Variants in CFAP44 observed in about 807,000 individuals in gnomAD.
The protein encoded by CFAP44 is cilia and flagella associated protein 44, also known as cilia- and flagella-associated protein 44.
Under a neutral mutation model 216.2 loss-of-function variants are expected in CFAP44, and 134 were observed. That is an observed-to-expected ratio of 0.62 (90% confidence interval 0.54 to 0.72). The LOEUF is 0.72. CFAP44 is among the 30% of genes least tolerant of loss of function. CFAP44 has a pLI of 0.00. For synonymous variants in CFAP44, 700 were observed against 727.6 expected (o/e 0.96, Z 0.61); for missense variants, 2,035 against 2,182.1 (o/e 0.93, Z 1.34).
chr3:113,362,754 T>A, intron 21 of CFAP44: 1 of 380,400 alleles, frequency 2.6e-6, no homozygotes, highest in South Asian at 6.1e-5. Context: ...CGGGATGACG[T>A]TTAGCCATAG....
chr3:113,351,518 A>G (rs1576563556), intron 22 of CFAP44, among the ~76,000 whole-genome samples: 1 of 152,230 alleles, frequency 6.6e-6, no homozygotes, highest in East Asian at 1.9e-4. Flanking sequence ...AATCCCAAAT[A>G]GACTCTTTGG....
At position 113,409,238 on chromosome 3, in the gene CFAP44, G is replaced by T; in HGVS notation, c.758C>A (p.Thr253Lys). 3 of 1,614,108 alleles carry T rather than the reference G, an allele frequency of 1.9e-6. No individual in the cohort carries two copies. The highest frequency in any genetic ancestry group is 2.5e-6 in the Non-Finnish European group (3 of 1,180,016). ...LASVGSNPDY[T>K]LTIWNWKEEQ... ...TTCTTTCCAGTTCCAGATAGTCAGT[G>T]TGTAGTCAGGGTTACTACCAACAGA... is the stretch of plus-strand genomic sequence containing the variant. Residue 253 changes from threonine to lysine, a missense_variant, in exon 7 of 35, where the codon ACA (threonine) becomes AAA (lysine). By Grantham distance (78) the Thr-to-Lys change is moderately conservative. Coordinates refer to ENST00000393845, the MANE Select transcript of CFAP44 (RefSeq NM_001164496.2).
chr3:113,346,810 C>A (rs149345765), intron 22 of CFAP44, among the ~76,000 whole-genome samples: 6 of 152,340 alleles, frequency 3.9e-5, no homozygotes, highest in Admixed American at 6.5e-5. Flanking sequence ...AAGCTGGCCA[C>A]CCCAGCCAGC....
intron 21 of CFAP44, among the ~76,000 whole-genome samples, chr3:113,361,652 C>A (rs777400320): frequency 6.6e-6 from 1 of 151,656 alleles, no homozygotes; most frequent in Non-Finnish European, 1.5e-5. Flanking sequence ...CCCACCACCA[C>A]ACCTGGCTAA....
chr3:113,401,212 G>T, intron 11 of CFAP44, 28 bp downstream of exon 11: 11 of 1,558,190 alleles, frequency 7.1e-6, no homozygotes, highest in Non-Finnish European at 8.7e-6. Flanking sequence ...TGAAAGTTAG[G>T]AGAAAATAAG....
At chr3:113,363,577 C>T (rs776476429) in intron 19 of CFAP44, 45 bp from the exon 20 acceptor site, 2 of 1,483,494 alleles carry the variant, frequency 1.3e-6, no homozygotes, top group South Asian at 1.4e-5. Context: ...AATTGCATAG[C>T]ATTTTCCTTA....
At position 113,394,889 on chromosome 3, in the gene CFAP44, T is replaced by C. The variant is rs116759691; in HGVS notation, c.1890+861A>G. ...CACCAATTCCTTTGTGAAACCTTAT[T>C]ATTCAATGATAAGGTATATTTAACT... On this transcript the variant is annotated intron_variant, in intron 15 of 34. Coordinates refer to ENST00000393845, the MANE Select transcript of CFAP44 (RefSeq NM_001164496.2). Among the ~76,000 whole-genome samples the C allele has an allele frequency of 8.4e-3, 1,280 of 152,344 alleles. 20 individuals are homozygous for C. The highest frequency in any genetic ancestry group is 0.029 in the African/African-American group (1,212 of 41,568).
chr3:113,397,843 T>G (rs75264830), intron 13 of CFAP44, among the ~76,000 whole-genome samples: 2,921 of 152,002 alleles, frequency 0.019, 103 homozygotes, highest in African/African-American at 0.066. Context: ...AGAGGGATGA[T>G]TGGGGATGTG....
At chr3:113,416,912 G>C (rs377310096) in intron 5 of CFAP44, among the ~76,000 whole-genome samples, 1 of 152,124 alleles carries the variant, frequency 6.6e-6, no homozygotes, top group South Asian at 2.1e-4. Flanking sequence ...TCTTCAATGT[G>C]CATCAGAATC....
intron 21 of CFAP44, chr3:113,360,886 TG>T: frequency 5.0e-6 from 1 of 198,296 alleles, no homozygotes. Context: ...TTTTGTGTGG[TG>T]GAAACTGGCT....
chr3:113,424,862 C>T (rs557135457), intron 4 of CFAP44, among the ~76,000 whole-genome samples: 4 of 152,298 alleles, frequency 2.6e-5, no homozygotes, highest in African/African-American at 9.6e-5. Flanking sequence ...CTAATACAGA[C>T]CCTCCCATCC....
chr3:113,402,897 A>T (rs531128484), intron 9 of CFAP44, among the ~76,000 whole-genome samples: 1 of 152,322 alleles, frequency 6.6e-6, no homozygotes, highest in African/African-American at 2.4e-5. Context: ...ATCATATGAC[A>T]AAATAAAGGA....
At chr3:113,300,979 C>T (rs1416675513) in intron 32 of CFAP44, among the ~76,000 whole-genome samples, 1 of 152,020 alleles carries the variant, frequency 6.6e-6, no homozygotes, top group Admixed American at 6.5e-5. Flanking sequence ...GCCCTACGAC[C>T]CAGCTGTTCT....
intron 27 of CFAP44, 24 bp downstream of exon 27, chr3:113,327,592 T>C (rs749397215): frequency 1.3e-6 from 2 of 1,525,506 alleles, no homozygotes; most frequent in Non-Finnish European, 1.8e-6. Flanking sequence ...ACCAGCCAGC[T>C]AGGATTCTTC....
At chr3:113,352,363 T>C (rs1053546532) in intron 22 of CFAP44, among the ~76,000 whole-genome samples, 1 of 152,170 alleles carries the variant, frequency 6.6e-6, no homozygotes, top group Non-Finnish European at 1.5e-5. Flanking sequence ...CTCTTCACAA[T>C]AAATCTTGCT....
chr3:113,343,300 T>G (rs1950352404), intron 23 of CFAP44, among the ~76,000 whole-genome samples: 1 of 152,058 alleles, frequency 6.6e-6, no homozygotes, highest in Non-Finnish European at 1.5e-5. Flanking sequence ...TGACCTCAAG[T>G]GATTCACCTG....
chr3:113,330,425 T>G lies in CFAP44; in HGVS notation c.3859A>C (p.Lys1287Gln). 6.5e-7 allele frequency: 1 copy of G among 1,537,416 alleles called. No individual in the cohort carries two copies. The highest frequency in any genetic ancestry group is 1.2e-5 in the South Asian group (1 of 84,062). Residue 1287 changes from lysine (K) to glutamine (Q), a missense_variant, in exon 26 of 35, where the codon AAA (lysine) becomes CAA (glutamine). Physicochemically the swap from Lys to Gln is moderately conservative, Grantham distance 53 (BLOSUM62 1). This residue lies in a region of CFAP44 where 1,883 missense variants were observed against 2,023.7 expected (regional missense o/e 0.93). Coordinates refer to ENST00000393845, the MANE Select transcript of CFAP44 (RefSeq NM_001164496.2). ...TCCACTCCGGGGGACTTTTCATCTT[T>G]ACTTTTCATTTGCTGTTGCTTAAAA... ...LNFKQQQMKS[K>Q]DEKSPGVEQT...
At position 113,290,498 on chromosome 3, in the gene CFAP44, A is replaced by G. The variant is rs2107782956; in HGVS notation, c.*1059T>C. 6.6e-6 allele frequency: 1 copy of G among 152,348 alleles called. No individual in the cohort carries two copies. Among genetic ancestry groups the G allele is most frequent in the Middle Eastern group, 3.4e-3 (1 of 294 alleles). The allele number at this position is 152,348 out of a possible 1,614,324, so 9.4% of individuals were successfully genotyped here. On this transcript the variant is annotated 3_prime_UTR_variant, in exon 35 of 35. Coordinates refer to ENST00000393845, the MANE Select transcript of CFAP44 (RefSeq NM_001164496.2). Reference sequence around the variant, plus strand: ...CTTCTCAGTGACCAGCTTATCCTGGAACAGCCTCAATGAGTAGCTCGTTAA... The same window carrying G: ...CTTCTCAGTGACCAGCTTATCCTGGGACAGCCTCAATGAGTAGCTCGTTAA...
At chr3:113,321,464 G>A (rs1950145576) in intron 28 of CFAP44, among the ~76,000 whole-genome samples, 1 of 152,148 alleles carries the variant, frequency 6.6e-6, no homozygotes, top group Non-Finnish European at 1.5e-5. Flanking sequence ...AGTGGAACAA[G>A]GCAAGAATGC....
Sources: gnomAD v4.1 joint callset for allele counts (sites outside exome capture counted in the v4.1 genomes callset) on GRCh38, gnomAD v4.1.1 for gene constraint, gnomAD v4.1.1 regional missense constraint, MANE v1.5 for transcripts, NCBI Gene and HGNC (gene_info 2026-07-23, HGNC 2026-07-21) for gene names.